The following NAV3 variants were observed in gnomAD, a reference collection of about 807,000 sequenced individuals.
NAV3 encodes neuron navigator 3.
In NAV3, 87 loss-of-function variants were observed where a neutral mutation model predicts 244.7. The ratio of observed to expected loss-of-function variants is 0.36; its 90% CI spans 0.30 to 0.42. NAV3 has a LOEUF of 0.42. NAV3 is among the 20% of genes least tolerant of loss of function. NAV3 has a pLI of 1.00. For missense variants in NAV3, 2,663 were observed against 2,893.3 expected (o/e 0.92, Z 1.83); for synonymous variants, 1,126 against 1,042.2 (o/e 1.08, Z -1.55).
chr12:77,922,210 G>A (rs1436810426), intron 1 of NAV3, among the ~76,000 whole-genome samples: 1 of 152,118 alleles, frequency 6.6e-6, no homozygotes, highest in East Asian at 1.9e-4. Context: ...ACCTTGGTAT[G>A]GTTCCCTGCC....
At chr12:78,077,937 C>G (rs1953135320) in intron 12 of NAV3, among the ~76,000 whole-genome samples, 1 of 152,104 alleles carries the variant, frequency 6.6e-6, no homozygotes, top group Non-Finnish European at 1.5e-5. Context: ...AAAACTCTGC[C>G]TCAAAAACAA....
chr12:77,998,356 G>T lies in NAV3; in HGVS notation c.760G>T (p.Val254Leu). The T allele has an allele frequency of 6.3e-7, 1 of 1,593,080 alleles. No homozygotes were observed. Among genetic ancestry groups the T allele is most frequent in the Non-Finnish European group, 8.5e-7 (1 of 1,170,816 alleles). ...TTTCAGGCTTCCAGGGCCCTCTAGG[G>T]TGCCTGCTGCAGGAAGCAGCAGCAA... ...KPTRLPGPSR[V>L]PAAGSSSKVQ... The change falls in exon 7 of 40, where the codon GTG (valine) becomes TTG (leucine). Residue 254 changes from valine (V) to leucine (L), a missense_variant. Around this residue, in one of 6 missense-constraint regions of NAV3, gnomAD observed 1,521 missense variants for 1,497.0 expected, o/e 1.02. Coordinates refer to ENST00000397909, the MANE Select transcript of NAV3 (RefSeq NM_001024383.2).
intron 1 of NAV3, among the ~76,000 whole-genome samples, chr12:77,857,867 G>A (rs906447368): frequency 6.6e-6 from 1 of 151,890 alleles, no homozygotes; most frequent in African/African-American, 2.4e-5. Context: ...AATTTGTTAT[G>A]TTTTTATGAC....
chr12:78,068,467 T>C (rs1952591344), intron 12 of NAV3, among the ~76,000 whole-genome samples: 2 of 150,918 alleles, frequency 1.3e-5, no homozygotes, highest in East Asian at 3.9e-4. Flanking sequence ...ATGGTATCTA[T>C]TTCCATTGCA....
intron 1 of NAV3, among the ~76,000 whole-genome samples, chr12:77,929,798 A>ATTTTTTTTTTT (rs10602394): frequency 7.1e-3 from 754 of 105,914 alleles, no homozygotes; most frequent in Middle Eastern, 0.012. Flanking sequence ...ACGGCCAGCT[A>ATTTTTTTTTTT]TTTTTTTTTT....
chr12:78,176,699 T>G (rs892213961), intron 26 of NAV3, among the ~76,000 whole-genome samples: 1 of 152,126 alleles, frequency 6.6e-6, no homozygotes, highest in Non-Finnish European at 1.5e-5. Context: ...AAAATTTGAA[T>G]AGAAAAATCA....
intron 11 of NAV3, among the ~76,000 whole-genome samples, chr12:78,053,548 A>T (rs1208559917): frequency 6.6e-6 from 1 of 152,180 alleles, no homozygotes; most frequent in Non-Finnish European, 1.5e-5. Context: ...CTAAGGCCGG[A>T]ATGAAGCTTA....
At chr12:78,110,898 T>G (rs1955060400) in intron 12 of NAV3, among the ~76,000 whole-genome samples, 1 of 152,058 alleles carries the variant, frequency 6.6e-6, no homozygotes, top group Admixed American at 6.6e-5. Flanking sequence ...TTCATTATCT[T>G]AAGTGAAATA....
At chr12:77,967,410 A>C (rs1286137115) in intron 4 of NAV3, among the ~76,000 whole-genome samples, 1 of 152,162 alleles carries the variant, frequency 6.6e-6, no homozygotes, top group Admixed American at 6.5e-5. Flanking sequence ...CAATATGACG[A>C]AAACTATGAG....
rs561839257 is a variant in NAV3, at chr12:77,619,177, C to A, written c.72+46911C>A. Among the ~76,000 whole-genome samples the A allele has an allele frequency of 2.0e-5, 3 of 152,242 alleles. No homozygotes were observed. In the South Asian group the frequency reaches 6.2e-4, roughly 32 times the overall value. On this transcript the variant is annotated intron_variant, in intron 2 of 8. Coordinates refer to the NAV3 transcript ENST00000550042. ...GTGGTTTCTTACATTGGCATATTAT[C>A]ACTGCCAACCGTGATTCTTTGTGCT...
intron 5 of NAV3, among the ~76,000 whole-genome samples, chr12:77,977,689 T>C (rs79081541): frequency 3.3e-3 from 469 of 142,040 alleles, no homozygotes; most frequent in African/African-American, 7.5e-3. Flanking sequence ...GATATATATA[T>C]ACACACACAC....
chr12:77,634,881 T>C (rs1872087234), intron 2 of NAV3, among the ~76,000 whole-genome samples: 1 of 152,180 alleles, frequency 6.6e-6, no homozygotes, highest in South Asian at 2.1e-4. Flanking sequence ...AATAGTGAGC[T>C]TCATATTGTA....
intron 9 of NAV3, among the ~76,000 whole-genome samples, chr12:78,025,681 G>A (rs1472123776): frequency 6.6e-6 from 1 of 151,810 alleles, no homozygotes; most frequent in African/African-American, 2.4e-5. Context: ...GGATCCCAGG[G>A]GCAGATTCCT....
At chr12:77,815,762 A>G (rs1273715583) in intron 2 of NAV3, among the ~76,000 whole-genome samples, 3 of 152,094 alleles carry the variant, frequency 2.0e-5, no homozygotes, top group East Asian at 3.9e-4. Context: ...TGAACAGTAC[A>G]CTGTAATTTT....
chr12:78,184,368 C>G (rs1028900363), intron 30 of NAV3, among the ~76,000 whole-genome samples: 1 of 151,634 alleles, frequency 6.6e-6, no homozygotes, highest in Non-Finnish European at 1.5e-5. Context: ...TAAAAAGGAG[C>G]AAGATAATTA....
intron 2 of NAV3, among the ~76,000 whole-genome samples, chr12:77,812,024 A>G (rs1872310258): frequency 1.3e-5 from 2 of 152,236 alleles, no homozygotes; most frequent in Admixed American, 1.3e-4. Flanking sequence ...AAATGAATAA[A>G]TATAAGCATA....
At chr12:78,099,311 A>T (rs1259798112) in intron 12 of NAV3, among the ~76,000 whole-genome samples, 1 of 151,730 alleles carries the variant, frequency 6.6e-6, no homozygotes, top group Admixed American at 6.6e-5. Context: ...TTATAAGGTA[A>T]TATGAAGTGA....
chr12:77,867,489 A>G (rs533189167), intron 1 of NAV3, among the ~76,000 whole-genome samples: 42 of 152,004 alleles, frequency 2.8e-4, no homozygotes, highest in Admixed American at 1.0e-3. Flanking sequence ...GCGCGATCTC[A>G]GCTCACTGCC....
intron 9 of NAV3, among the ~76,000 whole-genome samples, chr12:78,025,688 T>G (rs1877937808): frequency 6.6e-6 from 1 of 151,688 alleles, no homozygotes; most frequent in African/African-American, 2.4e-5. Flanking sequence ...AGGGGCAGAT[T>G]CCTCATGAAT....
Sources: allele counts gnomAD v4.1 joint callset (sites outside exome capture counted in the v4.1 genomes callset), GRCh38; gene constraint gnomAD v4.1.1; regional missense constraint gnomAD v4.1.1; transcripts MANE v1.5; gene names NCBI Gene and HGNC (gene_info 2026-07-23, HGNC 2026-07-21).